SPHK2: variants seen among roughly 807,000 people sequenced by gnomAD.
SPHK2 encodes sphingosine kinase 2.
SPHK2 carries 18 observed loss-of-function variants against 32.3 expected under a neutral mutation model. That is an observed-to-expected ratio of 0.56 (90% confidence interval 0.39 to 0.83). SPHK2 has a LOEUF of 0.83. Ranked by LOEUF, SPHK2 falls within the 40% of genes least tolerant of loss-of-function variation. The pLI is 0.00. For synonymous variants in SPHK2, 462 were observed against 417.6 expected (o/e 1.11, Z -1.30); for missense variants, 850 against 908.7 (o/e 0.94, Z 0.83).
chr19:48,629,270 G>C lies in SPHK2; in HGVS notation c.1462G>C (p.Glu488Gln), dbSNP rs548889828. 8.9e-5 allele frequency: 144 copies of C among 1,613,490 alleles called. No individual in the cohort carries two copies. In the South Asian group the frequency reaches 1.5e-3, roughly 16 times the overall value. Residue 488 changes from glutamate to glutamine, a missense_variant, in exon 7 of 7, where the codon GAA (glutamate) becomes CAA (glutamine). Coordinates refer to ENST00000245222, the MANE Select transcript of SPHK2 (RefSeq NM_020126.5). ...GGCAGCTCTACACTCACCCGTCTCC[G>C]AAGGGGCCCCCGTAATTCCCCCATC... is the stretch of plus-strand genomic sequence containing the variant. ...PKAALHSPVS[E>Q]GAPVIPPSSG...
Position 48,628,062 on chromosome 19 carries a change from T to C in SPHK2, c.749T>C (p.Leu250Pro). 1.3e-6 allele frequency: 2 copies of C among 1,588,612 alleles called. No individual in the cohort carries two copies. Among genetic ancestry groups the C allele is most frequent in the Non-Finnish European group, 1.7e-6 (2 of 1,163,652 alleles). ...GIVTVSGDGLLHEVLNGLLDR... is the reference protein window; with the variant it reads ...GIVTVSGDGLPHEVLNGLLDR... The stretch of plus-strand genomic sequence containing the variant: ...GTCACGGTCTCGGGAGACGGGCTGC[T>C]CCATGAGGTAGAGCAGGAGCACCCT... The change falls in exon 5 of 7, where the codon CTC becomes CCC. Residue 250 changes from leucine to proline, a missense_variant. By Grantham distance (98) the Leu-to-Pro change is moderately conservative. This residue lies in a region of SPHK2 where 544 missense variants were observed against 640.0 expected (regional missense o/e 0.85). Coordinates refer to ENST00000245222, the MANE Select transcript of SPHK2 (RefSeq NM_020126.5). This position sits in a 1 kb window ranked among gnomAD's most constrained non-coding sequence, Gnocchi z 5.2.
rs902672393 is a variant in SPHK2 at position 48,619,537 on chromosome 19, G to A, written c.-120G>A. 4.0e-6 allele frequency: 1 copy of A among 252,458 alleles called. No individual in the cohort carries two copies. Among genetic ancestry groups the A allele is most frequent in the African/African-American group, 2.2e-5 (1 of 44,662 alleles). 15.6% of individuals were successfully genotyped at this position (252,458 alleles called of 1,614,324 possible). A position where few individuals can be genotyped will look rare whatever the true frequency, so the allele number is the denominator to read the frequency against. On this transcript the variant is annotated 5_prime_UTR_variant, in exon 1 of 7. Coordinates refer to ENST00000245222, the MANE Select transcript of SPHK2 (RefSeq NM_020126.5). The stretch of plus-strand genomic sequence containing the variant: ...TCCCGGAGGACCCGGCGGGCCCAGT[G>A]TTGGAGGTGAGGAGGCGGGGCTGGC...
intron 2 of SPHK2, among the ~76,000 whole-genome samples, chr19:48,622,027 G>C (rs1312516893): frequency 6.6e-6 from 1 of 152,094 alleles, no homozygotes; most frequent in Non-Finnish European, 1.5e-5. Context: ...AGGCCGAGAT[G>C]GGCGGATCAC....
chr19:48,620,456 C>T lies in SPHK2; in HGVS notation c.-59C>T. ...CTGACTCCTTGCTCCTACCAGCCTACTATGGCTTAAGACCCAGGGCCAGGG... is the reference window on the plus strand; with the variant it reads ...CTGACTCCTTGCTCCTACCAGCCTATTATGGCTTAAGACCCAGGGCCAGGG... On this transcript the variant is annotated 5_prime_UTR_variant, in exon 2 of 7. Coordinates refer to ENST00000245222, the MANE Select transcript of SPHK2 (RefSeq NM_020126.5). 2.6e-6 allele frequency: 4 copies of T among 1,534,778 alleles called. No homozygotes were observed. The highest frequency in any genetic ancestry group is 3.6e-6 in the Non-Finnish European group (4 of 1,115,860).
Position 48,628,988 on chromosome 19 carries a change from C to T in SPHK2, c.1180C>T (p.Leu394=). 1 of 1,613,764 alleles carries T rather than the reference C, an allele frequency of 6.2e-7. No individual in the cohort carries two copies. Among genetic ancestry groups the T allele is most frequent in the Non-Finnish European group, 8.5e-7 (1 of 1,179,974 alleles). ...EPASPTPAHS[L]PRAKSELTLT... is the part of the protein sequence containing the mutation. ...TGCCTCGCCCACCCCTGCCCATAGC[C>T]TGCCTCGTGCCAAGTCGGAGCTGAC... The change falls in exon 7 of 7, where the codon CTG becomes TTG. Residue 394 remains leucine (L), a synonymous_variant. Transcript: ENST00000245222. This position sits in a 1 kb window ranked among gnomAD's most constrained non-coding sequence, Gnocchi z 5.2.
rs765081981 is a variant in SPHK2, at chr19:48,629,457, G to T, written c.1649G>T (p.Gly550Val). Residue 550 changes from glycine to valine, a missense_variant, in exon 7 of 7, where the codon GGC becomes GTC. Transcript: ENST00000245222. The stretch of plus-strand genomic sequence containing the variant: ...TTGGCCATCTCGCCCAGCCACCTAG[G>T]CGCTGACCTGGTGGCAGCTCCGCAT... The part of the protein sequence containing the change: ...LMLAISPSHL[G>V]ADLVAAPHAR... The T allele has an allele frequency of 2.5e-6, 4 of 1,608,690 alleles. No individual in the cohort carries two copies. The highest frequency in any genetic ancestry group is 4.5e-5 in the East Asian group (2 of 44,750).
In SPHK2 at chr19:48,626,123, T is replaced by A; in HGVS notation, c.272T>A (p.Leu91Gln). 6.2e-7 allele frequency: 1 copy of A among 1,607,832 alleles called. No homozygotes were observed. The highest frequency in any genetic ancestry group is 8.5e-7 in the Non-Finnish European group (1 of 1,176,974). ...CCTGAAGCCAGGCCCCGGGGTGGCC[T>A]GGTCCCGTTGGCCGAGGTCTCAGGC... Reference protein sequence around the residue: ...PKPEARPRGGLVPLAEVSGCC... With the variant: ...PKPEARPRGGQVPLAEVSGCC... The change falls in exon 3 of 7, where the codon CTG (leucine) becomes CAG (glutamine). Residue 91 changes from leucine to glutamine, a missense_variant. Physicochemically the swap from Leu to Gln is moderately radical, Grantham distance 113. Coordinates refer to ENST00000245222, the MANE Select transcript of SPHK2 (RefSeq NM_020126.5).
chr19:48,629,710 GA>G lies in SPHK2; in HGVS notation c.1903del (p.Met635CysfsTer41). ...TGGAGTATGGGCCGCTACAGGCACA[GA>G]TGCACCCTGGCATCGGTACACTGCT... is the stretch of plus-strand genomic sequence containing the variant. ...QVEYGPLQAQ[M>X]HPGIGTLLTG... is the part of the protein sequence containing the mutation. On this transcript the variant is annotated frameshift_variant, in exon 7 of 7. Transcript: ENST00000245222. LOFTEE classifies it high-confidence loss of function. 1 of 1,609,740 alleles carries G rather than the reference GA, an allele frequency of 6.2e-7. No individual in the cohort carries two copies. The highest frequency in any genetic ancestry group is 8.5e-7 in the Non-Finnish European group (1 of 1,178,230).
At position 48,629,802 on chromosome 19, in the gene SPHK2, GC is replaced by G; in HGVS notation, c.*30del. 6.5e-7 allele frequency: 1 copy of G among 1,530,858 alleles called. No homozygotes were observed. The highest frequency in any genetic ancestry group is 2.3e-5 in the East Asian group (1 of 43,904). The allele number at this position is 1,530,858 out of a possible 1,614,324, so 94.8% of individuals were successfully genotyped here. ...TAAACAAGCTTGGTACCCGCCGGGG[GC>G]GGGGCCTACATTCCAATGGGGCGGA... On this transcript the variant is annotated 3_prime_UTR_variant, in exon 7 of 7. Coordinates refer to ENST00000245222, the MANE Select transcript of SPHK2 (RefSeq NM_020126.5).
In SPHK2 at chr19:48,629,863, T is replaced by C; in HGVS notation, c.*90T>C. On this transcript the variant is annotated 3_prime_UTR_variant, in exon 7 of 7. Coordinates refer to ENST00000245222, the MANE Select transcript of SPHK2 (RefSeq NM_020126.5). Reference sequence around the variant, plus strand: ...AGGGGGTGTGGCCTGGCTGCTAGAGTTGTGGTGGCAGGGGCCCTGGCCCCG... The same window carrying C: ...AGGGGGTGTGGCCTGGCTGCTAGAGCTGTGGTGGCAGGGGCCCTGGCCCCG... 1.4e-6 allele frequency: 2 copies of C among 1,472,426 alleles called. No homozygotes were observed. Among genetic ancestry groups the C allele is most frequent in the African/African-American group, 1.4e-5 (1 of 70,560 alleles). The allele number at this position is 1,472,426 out of a possible 1,614,324, so 91.2% of individuals were successfully genotyped here.
At position 48,626,355 on chromosome 19, in the gene SPHK2, G is replaced by C. The variant is rs766297167; in HGVS notation, c.504G>C (p.Gly168=). 9 of 1,582,634 alleles carry C rather than the reference G, an allele frequency of 5.7e-6. No homozygotes were observed. The highest frequency in any genetic ancestry group is 4.5e-5 in the South Asian group (4 of 88,662). Residue 168 remains glycine (G), a synonymous_variant, in exon 3 of 7, where the codon GGG becomes GGC. Transcript: ENST00000245222. ...TGCTCCGAGGACTGCCACTGCCCGG[G>C]GATGGGGGTGAGGTGCTGGGCAGCT... is the stretch of plus-strand genomic sequence containing the variant. The part of the protein sequence containing the change: ...TCLLRGLPLP[G]DGEITPDLLP...
Position 48,630,303 on chromosome 19 carries a change from G to T in SPHK2, c.*530G>T. 2.3e-6 allele frequency: 3 copies of T among 1,288,328 alleles called. No individual in the cohort carries two copies. Among genetic ancestry groups the T allele is most frequent in the Non-Finnish European group, 2.9e-6 (3 of 1,018,534 alleles). 79.8% of individuals were successfully genotyped at this position (1,288,328 alleles called of 1,614,324 possible). Reference sequence around the variant, plus strand: ...TTCCTCTCCCCGCGGGTGGGGGCGGGGAAATTCATATCCCCTGTTCGTCTC... The same window carrying T: ...TTCCTCTCCCCGCGGGTGGGGGCGGTGAAATTCATATCCCCTGTTCGTCTC... On this transcript the variant is annotated 3_prime_UTR_variant, in exon 7 of 7. Coordinates refer to ENST00000245222, the MANE Select transcript of SPHK2 (RefSeq NM_020126.5). The surrounding 1 kb of genome is among the most constrained non-coding windows in gnomAD (Gnocchi z 4.9).
In SPHK2 at chr19:48,630,140, T is replaced by C. The variant is rs903372892; in HGVS notation, c.*367T>C. 44 of 1,250,408 alleles carry C rather than the reference T, an allele frequency of 3.5e-5. No individual in the cohort carries two copies. The highest frequency in any genetic ancestry group is 4.2e-5 in the Non-Finnish European group (42 of 995,362). The allele number at this position is 1,250,408 out of a possible 1,614,324, so 77.5% of individuals were successfully genotyped here. ...CCCAATGACAGGACCTGGAATGTAC[T>C]GGCTGGGGTAGGCCTCAGTGAGTCG... On this transcript the variant is annotated 3_prime_UTR_variant, in exon 7 of 7. Coordinates refer to ENST00000245222, the MANE Select transcript of SPHK2 (RefSeq NM_020126.5). The surrounding 1 kb of genome is among the most constrained non-coding windows in gnomAD (Gnocchi z 4.9).
At chr19:48,625,364 G>C in intron 2 of SPHK2, 2 of 1,155,870 alleles carry the variant, frequency 1.7e-6, no homozygotes, top group Non-Finnish European at 2.2e-6. Flanking sequence ...TTGCGTTTGT[G>C]ATTGTTTTGC....
In SPHK2 at chr19:48,630,243, G is replaced by T; in HGVS notation, c.*470G>T. The stretch of plus-strand genomic sequence containing the variant: ...TGGCCAATCAGCCCAGGAGGGGCAG[G>T]TTCCCCGGGGCCGGCGCTAGGATTT... On this transcript the variant is annotated 3_prime_UTR_variant, in exon 7 of 7. Coordinates refer to ENST00000245222, the MANE Select transcript of SPHK2 (RefSeq NM_020126.5). The surrounding 1 kb of genome is among the most constrained non-coding windows in gnomAD (Gnocchi z 4.9). The T allele has an allele frequency of 7.8e-7, 1 of 1,276,812 alleles. No homozygotes were observed. Among genetic ancestry groups the T allele is most frequent in the Non-Finnish European group, 9.9e-7 (1 of 1,011,908 alleles). The allele number at this position is 1,276,812 out of a possible 1,614,324, so 79.1% of individuals were successfully genotyped here.
rs1361934371 is a variant in SPHK2, at chr19:48,629,679, A to G, written c.1871A>G (p.Glu624Gly). ...TPRGVLTVDG[E>G]QVEYGPLQAQ... is the part of the protein sequence containing the mutation. ...CGCGGCGTGCTCACAGTGGACGGGG[A>G]GCAGGTGGAGTATGGGCCGCTACAG... The change falls in exon 7 of 7, where the codon GAG (glutamate) becomes GGG (glycine). Residue 624 changes from glutamate to glycine, a missense_variant. Around this residue, in one of 2 missense-constraint regions of SPHK2, gnomAD observed 306 missense variants for 268.6 expected, o/e 1.14. Coordinates refer to ENST00000245222, the MANE Select transcript of SPHK2 (RefSeq NM_020126.5). 6.2e-7 allele frequency: 1 copy of G among 1,608,270 alleles called. No homozygotes were observed. Among genetic ancestry groups the G allele is most frequent in the African/African-American group, 1.3e-5 (1 of 74,854 alleles).
chr19:48,627,891 AG>A, intron 4 of SPHK2, 50 bp downstream of exon 4: 1 of 1,582,404 alleles, frequency 6.3e-7, no homozygotes, highest in South Asian at 1.1e-5. Flanking sequence ...CTGAGTCCTA[AG>A]GGAGCAAAGT....
Position 48,630,318 on chromosome 19 carries a change from C to T in SPHK2, c.*545C>T, listed in dbSNP as rs1337373311. ...GTGGGGGCGGGGAAATTCATATCCC[C>T]TGTTCGTCTCATGCGCGTCCTCCGT... On this transcript the variant is annotated 3_prime_UTR_variant, in exon 7 of 7. Coordinates refer to ENST00000245222, the MANE Select transcript of SPHK2 (RefSeq NM_020126.5). This position sits in a 1 kb window ranked among gnomAD's most constrained non-coding sequence, Gnocchi z 4.9. The T allele has an allele frequency of 1.3e-5, 17 of 1,306,236 alleles. No homozygotes were observed. Among genetic ancestry groups the T allele is most frequent in the East Asian group, 3.0e-5 (1 of 33,734 alleles). 80.9% of individuals were successfully genotyped at this position (1,306,236 alleles called of 1,614,324 possible).
intron 3 of SPHK2, 149 bp downstream of exon 3, chr19:48,626,511 A>G (rs1202372782): frequency 8.5e-6 from 9 of 1,063,548 alleles, no homozygotes; most frequent in African/African-American, 3.3e-5. Flanking sequence ...GATGGGCTAC[A>G]GAAGGAACAA....
Sources: allele counts gnomAD v4.1 joint callset (sites outside exome capture counted in the v4.1 genomes callset), GRCh38; gene constraint gnomAD v4.1.1; regional missense constraint gnomAD v4.1.1; non-coding constraint Gnocchi (gnomAD v3.1); transcripts MANE v1.5; gene names NCBI Gene and HGNC (gene_info 2026-07-23, HGNC 2026-07-21).